Variants in ADAMTSL1 observed in about 807,000 individuals in gnomAD.
ADAMTSL1 encodes ADAMTS-like protein 1.
A neutral mutation model predicts 201.8 loss-of-function variants in ADAMTSL1; 126 were observed. The observed-to-expected ratio is 0.62, with a 90% CI of 0.54 to 0.72. The LOEUF is 0.72. Among genes scored for constraint, ADAMTSL1 ranks in the 30% least tolerant of loss-of-function variants. ADAMTSL1 has a pLI of 0.00. For missense variants in ADAMTSL1, 2,679 were observed against 2,277.8 expected, an observed-to-expected ratio of 1.18 and a Z score of -3.59; for synonymous variants, 1,121 against 903.4, an observed-to-expected ratio of 1.24 and a Z score of -4.32.
chr9:18,223,036 T>C (rs1178364086), intron 2 of ADAMTSL1, among the ~76,000 whole-genome samples: 1 of 152,088 alleles, frequency 6.6e-6, no homozygotes, highest in African/African-American at 2.4e-5. Context: ...ATAGATTTCA[T>C]TTTAATTTAT....
At chr9:18,889,325 A>G (rs1829093132) in intron 24 of ADAMTSL1, among the ~76,000 whole-genome samples, 1 of 152,206 alleles carries the variant, frequency 6.6e-6, no homozygotes, top group Non-Finnish European at 1.5e-5. Flanking sequence ...TGTCCCCACA[A>G]TAACTTGGTG....
intron 7 of ADAMTSL1, among the ~76,000 whole-genome samples, chr9:18,640,300 G>C (rs370287418): frequency 6.6e-6 from 1 of 152,250 alleles, no homozygotes; most frequent in Admixed American, 6.5e-5. Flanking sequence ...CAAGCCATCC[G>C]AGGTAGCTCA....
chr9:18,566,580 G>A (rs1821908919), intron 3 of ADAMTSL1, among the ~76,000 whole-genome samples: 1 of 152,148 alleles, frequency 6.6e-6, no homozygotes, highest in Non-Finnish European at 1.5e-5. Flanking sequence ...ATAAAGGTGA[G>A]GTAATTCGCT....
intron 3 of ADAMTSL1, among the ~76,000 whole-genome samples, chr9:18,536,742 TG>T (rs1285019556): frequency 6.6e-6 from 1 of 152,188 alleles, no homozygotes; most frequent in Non-Finnish European, 1.5e-5. Flanking sequence ...AAAATAGGTG[TG>T]AGCTAGCAAA....
At chr9:17,934,798 C>T (rs887828886) in intron 1 of ADAMTSL1, among the ~76,000 whole-genome samples, 1 of 151,576 alleles carries the variant, frequency 6.6e-6, no homozygotes, top group Admixed American at 6.6e-5. Context: ...ATTTCCCCCA[C>T]AAAGACCCGT....
At chr9:18,592,073 A>T (rs1083110) in intron 4 of ADAMTSL1, among the ~76,000 whole-genome samples, 2,068 of 152,300 alleles carry the variant, frequency 0.014, 47 homozygotes, top group African/African-American at 0.046. Context: ...TTTTCAGTGC[A>T]TCTCATTGAT....
chr9:17,926,917 T>C (rs1195554460), intron 1 of ADAMTSL1, among the ~76,000 whole-genome samples: 1 of 152,214 alleles, frequency 6.6e-6, no homozygotes, highest in Non-Finnish European at 1.5e-5. Context: ...TATAACACAA[T>C]TGACCATCAT....
At chr9:18,517,551 A>G (rs1750380622) in intron 2 of ADAMTSL1, among the ~76,000 whole-genome samples, 2 of 149,686 alleles carry the variant, frequency 1.3e-5, no homozygotes, top group African/African-American at 4.9e-5. Context: ...TGTATCTCCC[A>G]ATGCTATCCC....
intron 1 of ADAMTSL1, among the ~76,000 whole-genome samples, chr9:17,979,685 C>G (rs138039221): frequency 6.6e-6 from 1 of 152,056 alleles, no homozygotes; most frequent in Non-Finnish European, 1.5e-5. Context: ...TGCTGCTTGT[C>G]TGTAATTCTT....
intron 4 of ADAMTSL1, among the ~76,000 whole-genome samples, chr9:18,580,208 G>A (rs1823009068): frequency 2.0e-5 from 3 of 152,106 alleles, no homozygotes; most frequent in Non-Finnish European, 4.4e-5. Context: ...GAATAATACA[G>A]TACAGAAATA....
rs550450753 is a variant in ADAMTSL1 at position 18,842,935 on chromosome 9, C to T, written c.4249+12958C>T. Among the ~76,000 whole-genome samples, 58 of 152,210 alleles carry T rather than the reference C, an allele frequency of 3.8e-4. 1 individual carries two copies. The East Asian group carries it at 4.2e-3, about 11-fold the overall frequency. On this transcript the variant is annotated intron_variant, in intron 23 of 28. Coordinates refer to ENST00000380548, the MANE Select transcript of ADAMTSL1 (RefSeq NM_001040272.6). ...TTTTGAGCCTATGCATGTCTCTGCG[C>T]GTGAGATGGGTTTCCTGAATACAGC...
At chr9:18,599,895 G>A (rs769256284) in intron 4 of ADAMTSL1, among the ~76,000 whole-genome samples, 5 of 149,360 alleles carry the variant, frequency 3.3e-5, no homozygotes, top group Admixed American at 6.8e-5. Flanking sequence ...GCTCACGCCT[G>A]TAATCCCAGC....
chr9:18,649,771 C>A (rs4977506), intron 7 of ADAMTSL1, among the ~76,000 whole-genome samples: 4 of 151,604 alleles, frequency 2.6e-5, no homozygotes, highest in African/African-American at 4.9e-5. Context: ...AGGAGTACCC[C>A]GCCGTGTGAG....
chr9:17,940,331 T>A (rs1482813867), intron 1 of ADAMTSL1, among the ~76,000 whole-genome samples: 4 of 151,992 alleles, frequency 2.6e-5, no homozygotes, highest in African/African-American at 9.6e-5. Flanking sequence ...AGAGAGATAA[T>A]GAGGGCTTGA....
At chr9:18,026,785 A>G (rs1419583778) in intron 1 of ADAMTSL1, among the ~76,000 whole-genome samples, 3 of 152,098 alleles carry the variant, frequency 2.0e-5, no homozygotes, top group African/African-American at 7.2e-5. Context: ...GATTGATAGC[A>G]GCTCTTCTTT....
chr9:18,872,732 T>C (rs1209232615), intron 23 of ADAMTSL1, among the ~76,000 whole-genome samples: 1 of 152,210 alleles, frequency 6.6e-6, no homozygotes, highest in Non-Finnish European at 1.5e-5. Flanking sequence ...CTTTATCCAC[T>C]CATTGATTGA....
Position 18,777,792 on chromosome 9 carries a change from C to T in ADAMTSL1, c.3563C>T (p.Thr1188Met), listed in dbSNP as rs200297832. The change falls in exon 19 of 29, where the codon ACG becomes ATG. Residue 1188 changes from threonine (T) to methionine (M), a missense_variant. Coordinates refer to ENST00000380548, the MANE Select transcript of ADAMTSL1 (RefSeq NM_001040272.6). ...GAGGTGGTCACCCACCTGGGGCAGA[C>T]GGTGGCCCTGGCCAGCGGGACACTG... Reference protein sequence around the residue: ...ASEVVTHLGQTVALASGTLSV... With the variant: ...ASEVVTHLGQMVALASGTLSV... 3.3e-4 allele frequency: 531 copies of T among 1,613,622 alleles called. No individual in the cohort carries two copies. The highest frequency in any genetic ancestry group is 4.2e-4 in the Non-Finnish European group (493 of 1,179,838).
intron 2 of ADAMTSL1, among the ~76,000 whole-genome samples, chr9:18,344,785 C>T (rs1243512727): frequency 6.6e-6 from 1 of 152,116 alleles, no homozygotes; most frequent in African/African-American, 2.4e-5. Context: ...TCAGTAGCAA[C>T]AGGCGCCAAG....
chr9:18,718,811 C>T (rs983482001), intron 14 of ADAMTSL1, among the ~76,000 whole-genome samples: 1 of 152,206 alleles, frequency 6.6e-6, no homozygotes, highest in Non-Finnish European at 1.5e-5. Flanking sequence ...ATGTGACAAG[C>T]CCACGGTCAC....
Sources: allele counts gnomAD v4.1 joint callset (sites outside exome capture counted in the v4.1 genomes callset), GRCh38; gene constraint gnomAD v4.1.1; transcripts MANE v1.5; gene names NCBI Gene and HGNC (gene_info 2026-07-23, HGNC 2026-07-21).